The following KRT17 variants were observed in gnomAD, a reference collection of about 807,000 sequenced individuals.
KRT17 encodes the protein keratin, type I cytoskeletal 17.
A neutral mutation model predicts 45.6 loss-of-function variants in KRT17; 29 were observed. The ratio of observed to expected loss-of-function variants is 0.64; its 90% CI spans 0.47 to 0.87. KRT17 has a LOEUF of 0.87. Ranked by LOEUF, KRT17 falls within the 40% of genes least tolerant of loss-of-function variation. The probability of loss-of-function intolerance (pLI) is 0.00; values close to 1 mark genes in which losing one functional copy is unlikely to be tolerated. For missense variants in KRT17, 536 were observed against 577.8 expected, an observed-to-expected ratio of 0.93 and a Z score of 0.74; for synonymous variants, 219 against 234.6, an observed-to-expected ratio of 0.93 and a Z score of 0.61.
chr17:41,622,465 T>G lies in KRT17; in HGVS notation c.562A>C (p.Asn188His). The change falls in exon 3 of 8, where the codon AAT (asparagine) becomes CAT (histidine). Residue 188 changes from asparagine to histidine, a missense_variant. Physicochemically the swap from Asn to His is moderately conservative, Grantham distance 68. Transcript: ENST00000311208. Reference protein sequence around the residue: ...ALRLSVEADINGLRRVLDELT... With the variant: ...ALRLSVEADIHGLRRVLDELT... ...TCATCCAGCACCCTGCGCAGGCCAT[T>G]GATGTCGGCCTCCACACTCAGGCGC... The G allele has an allele frequency of 6.2e-7, 1 of 1,614,024 alleles. No homozygotes were observed. The highest frequency in any genetic ancestry group is 8.5e-7 in the Non-Finnish European group (1 of 1,180,046).
chr17:41,624,231 G>A lies in KRT17; in HGVS notation c.279C>T (p.Asp93=), dbSNP rs147702566. 17 of 1,612,746 alleles carry A rather than the reference G, an allele frequency of 1.1e-5. No homozygotes were observed. In the African/African-American group the frequency reaches 2.0e-4, roughly 19 times the overall value. ...GEKATMQNLN[D]RLASYLDKVR... ...CCTTGTCCAGGTAGGAGGCCAGGCG[G>A]TCATTGAGGTTCTGCATGGTGGCCT... Residue 93 remains aspartate (D), a synonymous_variant, in exon 1 of 8, where the codon GAC becomes GAT. Transcript: ENST00000311208.
At chr17:41,623,539 G>A (rs1481903722) in intron 1 of KRT17, among the ~76,000 whole-genome samples, 1 of 152,138 alleles carries the variant, frequency 6.6e-6, no homozygotes, top group Admixed American at 6.5e-5. Context: ...GGTTTGCTGA[G>A]CCCGTCTTAA....
chr17:41,623,420 C>T (rs1040854136), intron 1 of KRT17, among the ~76,000 whole-genome samples: 1 of 152,154 alleles, frequency 6.6e-6, no homozygotes, highest in African/African-American at 2.4e-5. Context: ...TGACAGGCTC[C>T]CCCAAAAGGA....
chr17:41,624,202 C>A lies in KRT17; in HGVS notation c.308G>T (p.Arg103Leu). Residue 103 changes from arginine (R) to leucine (L), a missense_variant, in exon 1 of 8, where the codon CGT (arginine) becomes CTT (leucine). Coordinates refer to ENST00000311208, the MANE Select transcript of KRT17 (RefSeq NM_000422.3). The part of the protein sequence containing the change: ...DRLASYLDKV[R>L]ALEEANTELE... ...CTCAGTGTTGGCCTCCTCCAGGGCA[C>A]GCACCTTGTCCAGGTAGGAGGCCAG... 6.2e-7 allele frequency: 1 copy of A among 1,612,724 alleles called. No homozygotes were observed.
At chr17:41,622,549 G>A in intron 2 of KRT17, 38 bp from the exon 3 acceptor site, 1 of 1,611,650 alleles carries the variant, frequency 6.2e-7, no homozygotes, top group Non-Finnish European at 8.5e-7. Flanking sequence ...CAGGCTGCTT[G>A]GACCTGCAGA....
intron 3 of KRT17, 146 bp downstream of exon 3, chr17:41,622,209 A>AGGGC: frequency 9.8e-7 from 1 of 1,016,640 alleles, no homozygotes; most frequent in East Asian, 2.4e-5. Context: ...CCCAAGGATC[A>AGGGC]GGGCTCTGCA....
rs765583417 is a variant in KRT17 at position 41,624,448 on chromosome 17, C to T, written c.62G>A (p.Gly21Glu). ...GCAGGAGGTGCGGGACGAGCCGCCCCCCAGGCCGGAGGAGCCCTTGATGGA... is the reference window on the plus strand; with the variant it reads ...GCAGGAGGTGCGGGACGAGCCGCCCTCCAGGCCGGAGGAGCCCTTGATGGA... The part of the protein sequence containing the change: ...SSSIKGSSGL[G>E]GGSSRTSCRL... The change falls in exon 1 of 8, where the codon GGG becomes GAG. Residue 21 changes from glycine to glutamate, a missense_variant. Gly to Glu is a moderately conservative substitution (Grantham distance 98, BLOSUM62 -2). Coordinates refer to ENST00000311208, the MANE Select transcript of KRT17 (RefSeq NM_000422.3). 1 of 1,610,398 alleles carries T rather than the reference C, an allele frequency of 6.2e-7. No individual in the cohort carries two copies. The highest frequency in any genetic ancestry group is 1.7e-5 in the Admixed American group (1 of 59,948).
Position 41,619,626 on chromosome 17 carries a change from A to T in KRT17, c.1267T>A (p.Ser423Thr). 1 of 1,612,114 alleles carries T rather than the reference A, an allele frequency of 6.2e-7. No individual in the cohort carries two copies. The highest frequency in any genetic ancestry group is 1.1e-5 in the South Asian group (1 of 90,994). The change falls in exon 8 of 8, where the codon TCC becomes ACC. Residue 423 changes from serine (S) to threonine (T), a missense_variant. Coordinates refer to ENST00000311208, the MANE Select transcript of KRT17 (RefSeq NM_000422.3). ...EEVQDGKVIS[S>T]REQVHQTTR The stretch of plus-strand genomic sequence containing the variant: ...GTGGTCTGGTGGACCTGCTCGCGGG[A>T]GGAGATGACCTTGCCATCCTGGACC...
rs754146914 is a variant in KRT17 at position 41,622,936 on chromosome 17, C to A, written c.515+14G>T. On this transcript the variant is annotated intron_variant, in intron 2 of 7. Transcript: ENST00000311208. ...AGCTGGCCCAGGCTGCCCAAGGCCA[C>A]AGCTAGGACTCACTTGGTGCGGAAG... 11 of 1,609,548 alleles carry A rather than the reference C, an allele frequency of 6.8e-6. No homozygotes were observed. In the East Asian group the frequency reaches 2.5e-4, roughly 36 times the overall value.
At chr17:41,619,905 T>C in intron 7 of KRT17, 1 of 985,216 alleles carries the variant, frequency 1.0e-6, no homozygotes, top group Non-Finnish European at 1.2e-6. Context: ...CCTGTGTGAG[T>C]CTTGCCTCCC....
At chr17:41,622,558 G>A in intron 2 of KRT17, 47 bp from the exon 3 acceptor site, 1 of 1,604,390 alleles carries the variant, frequency 6.2e-7, no homozygotes, top group Non-Finnish European at 8.5e-7. Context: ...TGGACCTGCA[G>A]ATCCAGGTCC....
In KRT17 at chr17:41,622,211, G is replaced by A; in HGVS notation, c.672+144C>T. 5.8e-6 allele frequency: 6 copies of A among 1,035,102 alleles called. 1 individual carries two copies. The South Asian group carries it at 6.5e-5, about 11-fold the overall frequency. 64.1% of individuals were successfully genotyped at this position (1,035,102 alleles called of 1,614,324 possible). ...CTGCACACTGGACCCCAAGGATCAG[G>A]GCTCTGCAGACAGGGAAGCCCTCTA... On this transcript the variant is annotated intron_variant, in intron 3 of 7. Transcript: ENST00000311208.
At chr17:41,621,460 G>A in intron 4 of KRT17, 133 bp downstream of exon 4, 1 of 1,081,204 alleles carries the variant, frequency 9.2e-7, no homozygotes, top group South Asian at 1.3e-5. Flanking sequence ...TTGATGCAGT[G>A]GGTGACCCTG....
Position 41,622,450 on chromosome 17 carries a change from C to G in KRT17, c.577G>C (p.Val193Leu), listed in dbSNP as rs761336575. 1.9e-6 allele frequency: 3 copies of G among 1,614,124 alleles called. No individual in the cohort carries two copies. In the South Asian group the frequency reaches 3.3e-5, roughly 18 times the overall value. Residue 193 changes from valine (V) to leucine (L), a missense_variant, in exon 3 of 8, where the codon GTG becomes CTG. Transcript: ENST00000311208. The stretch of plus-strand genomic sequence containing the variant: ...CTGGCCAGGGTCAGCTCATCCAGCA[C>G]CCTGCGCAGGCCATTGATGTCGGCC... ...VEADINGLRR[V>L]LDELTLARAD...
In KRT17 at chr17:41,624,178, T is replaced by G. The variant is rs762272035; in HGVS notation, c.332A>C (p.Glu111Ala). The G allele has an allele frequency of 1.9e-6, 3 of 1,612,262 alleles. No individual in the cohort carries two copies. Among genetic ancestry groups the G allele is most frequent in the Non-Finnish European group, 1.7e-6 (2 of 1,179,972 alleles). The part of the protein sequence containing the change: ...KVRALEEANT[E>A]LEVKIRDWYQ... ...CCAGTCACGGATCTTCACCTCCAGCTCAGTGTTGGCCTCCTCCAGGGCACG... is the reference window on the plus strand; with the variant it reads ...CCAGTCACGGATCTTCACCTCCAGCGCAGTGTTGGCCTCCTCCAGGGCACG... The change falls in exon 1 of 8, where the codon GAG (glutamate) becomes GCG (alanine). Residue 111 changes from glutamate (E) to alanine (A), a missense_variant. Coordinates refer to ENST00000311208, the MANE Select transcript of KRT17 (RefSeq NM_000422.3).
chr17:41,621,790 A>G (rs1176873322), intron 3 of KRT17, 36 bp from the exon 4 acceptor site: 1 of 1,611,218 alleles, frequency 6.2e-7, no homozygotes, highest in Non-Finnish European at 8.5e-7. Flanking sequence ...GCGCATCTGG[A>G]CCCATCCTGA....
intron 2 of KRT17, 29 bp from the exon 3 acceptor site, chr17:41,622,540 A>G (rs1908578628): frequency 6.2e-7 from 1 of 1,612,542 alleles, no homozygotes; most frequent in South Asian, 1.1e-5. Flanking sequence ...ACTTCAGCCC[A>G]GGCTGCTTGG....
chr17:41,621,393 GCTCCCTAC>G (rs1343841624), intron 4 of KRT17, among the ~76,000 whole-genome samples, 192 bp downstream of exon 4: 1 of 152,202 alleles, frequency 6.6e-6, no homozygotes, highest in African/African-American at 2.4e-5. Context: ...TTCTGAGGGA[GCTCCCTAC>G]CTCCCCACCC....
intron 2 of KRT17, chr17:41,622,723 G>A (rs528618281): frequency 6.4e-5 from 45 of 698,040 alleles, no homozygotes; most frequent in South Asian, 1.0e-4. Context: ...TCTGCCTCCC[G>A]CCTCCCGCCT....
Sources: allele counts gnomAD v4.1 joint callset (sites outside exome capture counted in the v4.1 genomes callset), GRCh38; gene constraint gnomAD v4.1.1; transcripts MANE v1.5; gene names NCBI Gene and HGNC (gene_info 2026-07-23, HGNC 2026-07-21).